LNPK: variants seen among roughly 807,000 people sequenced by gnomAD.
LNPK encodes the protein endoplasmic reticulum junction formation protein lunapark.
Under a neutral mutation model 55.2 loss-of-function variants are expected in LNPK, and 29 were observed. The ratio of observed to expected loss-of-function variants is 0.53; its 90% CI spans 0.39 to 0.72. LNPK has a LOEUF of 0.72. Among genes scored for constraint, LNPK ranks in the 30% least tolerant of loss-of-function variants. LNPK has a pLI of 0.00. For missense variants in LNPK, 467 were observed against 494.8 expected, an observed-to-expected ratio of 0.94 and a Z score of 0.53; for synonymous variants, 162 against 168.2, an observed-to-expected ratio of 0.96 and a Z score of 0.29.
intron 4 of LNPK, among the ~76,000 whole-genome samples, chr2:175,983,959 GA>G (rs948651801): frequency 1.1e-3 from 168 of 149,604 alleles, no homozygotes; most frequent in African/African-American, 3.4e-3. Context: ...TTAAGGTATA[GA>G]AAAAAAAAGT....
intron 8 of LNPK, among the ~76,000 whole-genome samples, chr2:175,953,792 A>T (rs1685546050): frequency 6.7e-6 from 1 of 150,252 alleles, no homozygotes; most frequent in African/African-American, 2.4e-5. Context: ...AAAAAAAAGT[A>T]TTCTTCATAA....
intron 4 of LNPK, among the ~76,000 whole-genome samples, chr2:175,991,396 G>A (rs1022141551): frequency 6.6e-6 from 1 of 152,130 alleles, no homozygotes; most frequent in African/African-American, 2.4e-5. Flanking sequence ...TATTATGAAA[G>A]CACTCAATTT....
At chr2:175,972,084 T>C (rs974109799) in intron 5 of LNPK, among the ~76,000 whole-genome samples, 4 of 152,210 alleles carry the variant, frequency 2.6e-5, no homozygotes, top group South Asian at 2.1e-4. Flanking sequence ...CCAAGCTAAT[T>C]TTTGTATTTT....
chr2:175,993,040 A>T lies in LNPK; in HGVS notation c.69+142T>A, dbSNP rs1687772598. 2.8e-5 allele frequency: 15 copies of T among 539,418 alleles called. No individual in the cohort carries two copies. The South Asian group carries it at 4.4e-4, about 16-fold the overall frequency. The allele number at this position is 539,418 out of a possible 1,614,324, so 33.4% of individuals were successfully genotyped here. ...GATAGACTTTGGATTTTTTGAGATC[A>T]CATAATATTAAAGTTCTCAGACTCA... On this transcript the variant is annotated intron_variant, in intron 3 of 12. Coordinates refer to ENST00000272748, the MANE Select transcript of LNPK (RefSeq NM_030650.3).
At chr2:175,933,636 A>T (rs1248255228) in intron 12 of LNPK, among the ~76,000 whole-genome samples, 1 of 152,170 alleles carries the variant, frequency 6.6e-6, no homozygotes. Context: ...AATTCAATTA[A>T]ATTATAACCA....
intron 4 of LNPK, among the ~76,000 whole-genome samples, chr2:175,988,513 A>AAAAAAAAAAAAAAAAAAAAAAAAAT (rs1687541745): frequency 8.8e-6 from 1 of 113,130 alleles, no homozygotes; most frequent in Non-Finnish European, 1.9e-5. Flanking sequence ...CTCTGTCTCC[A>AAAAAAAAAAAAAAAAAAAAAAAAAT]AAAAAAAAAA....
chr2:175,982,983 C>T (rs929329191), intron 4 of LNPK, among the ~76,000 whole-genome samples: 4 of 152,018 alleles, frequency 2.6e-5, no homozygotes, highest in African/African-American at 9.7e-5. Flanking sequence ...AGAGATATAA[C>T]TAAAACTCAA....
intron 6 of LNPK, among the ~76,000 whole-genome samples, chr2:175,970,532 T>G (rs537492577): frequency 1.3e-5 from 2 of 151,144 alleles, no homozygotes; most frequent in South Asian, 2.1e-4. Flanking sequence ...TTTACTTACT[T>G]CTCAGCTTCC....
In LNPK at chr2:175,939,695, T is replaced by C. The variant is rs1187362902; in HGVS notation, c.707-38A>G. ...TAAATACATACAAAATTTATATACA[T>C]GAAATACACATAAAATTTAATTCCA... On this transcript the variant is annotated intron_variant, in intron 9 of 12. Transcript: ENST00000272748. The C allele has an allele frequency of 3.0e-6, 3 of 994,876 alleles. No individual in the cohort carries two copies. The African/African-American group carries it at 5.0e-5, about 17-fold the overall frequency. The allele number at this position is 994,876 out of a possible 1,614,324, so 61.6% of individuals were successfully genotyped here.
intron 5 of LNPK, among the ~76,000 whole-genome samples, chr2:175,974,964 A>AT: frequency 6.6e-6 from 1 of 150,966 alleles, no homozygotes; most frequent in South Asian, 2.1e-4. Flanking sequence ...CATACATTTG[A>AT]TTTCCTTAAA....
At chr2:175,960,385 A>G (rs983354942) in intron 8 of LNPK, among the ~76,000 whole-genome samples, 2 of 152,228 alleles carry the variant, frequency 1.3e-5, no homozygotes, top group African/African-American at 4.8e-5. Flanking sequence ...CAATCAAATT[A>G]GAACTCAGGA....
rs770768520 is a variant in LNPK, at chr2:175,937,499, T to C, written c.899A>G (p.Tyr300Cys). ...EFEYIAFRCA[Y>C]CFFLNPARKT... ...TCTTGCAGGGTTCAAGAAAAAACAG[T>C]AGGCACATCGAAAAGCTGCAGAGAA... The change falls in exon 12 of 13, where the codon TAC becomes TGC. Residue 300 changes from tyrosine (Y) to cysteine (C), a missense_variant. Transcript: ENST00000272748. 1 of 1,609,504 alleles carries C rather than the reference T, an allele frequency of 6.2e-7. No homozygotes were observed. Among genetic ancestry groups the C allele is most frequent in the East Asian group, 2.2e-5 (1 of 44,790 alleles).
At chr2:175,944,961 A>G (rs1224313525) in intron 9 of LNPK, among the ~76,000 whole-genome samples, 2 of 151,600 alleles carry the variant, frequency 1.3e-5, no homozygotes, top group Non-Finnish European at 2.9e-5. Context: ...CACAGTGGCG[A>G]TATCTCAGTT....
intron 4 of LNPK, among the ~76,000 whole-genome samples, chr2:175,989,265 T>C (rs1199100407): frequency 6.6e-6 from 1 of 152,164 alleles, no homozygotes; most frequent in Non-Finnish European, 1.5e-5. Context: ...TCAATTTAAG[T>C]GGAGATACAA....
At chr2:175,996,156 C>T (rs1687923822) in intron 1 of LNPK, among the ~76,000 whole-genome samples, 1 of 152,048 alleles carries the variant, frequency 6.6e-6, no homozygotes, top group African/African-American at 2.4e-5. Flanking sequence ...CAGAACAGAT[C>T]TAAAAGTGAA....
rs1233003485 is a variant in LNPK at position 175,953,958 on chromosome 2, G to C, written c.494-6266C>G. 1.3e-5 allele frequency among the ~76,000 whole-genome samples: 2 copies of C among 151,974 alleles called. 1 individual carries two copies. Among genetic ancestry groups the C allele is most frequent in the East Asian group, 3.9e-4 (2 of 5,186 alleles). ...ATATGACCCCTACTTTCCTTTTTCA[G>C]GGATATGGCAATATTTGTAGTGCCT... On this transcript the variant is annotated intron_variant, in intron 8 of 12. Coordinates refer to ENST00000272748, the MANE Select transcript of LNPK (RefSeq NM_030650.3).
chr2:175,951,584 C>CATATAT (rs56037027), intron 8 of LNPK, among the ~76,000 whole-genome samples: 1,265 of 90,664 alleles, frequency 0.014, 131 homozygotes, highest in African/African-American at 0.047. Flanking sequence ...TTCCATCATT[C>CATATAT]ATATATATAT....
Position 175,929,253 on chromosome 2 carries a change from T to A in LNPK, c.*714A>T. 1 of 960,064 alleles carries A rather than the reference T, an allele frequency of 1.0e-6. No individual in the cohort carries two copies. Among genetic ancestry groups the A allele is most frequent in the Non-Finnish European group, 1.2e-6 (1 of 806,468 alleles). The allele number at this position is 960,064 out of a possible 1,614,324, so 59.5% of individuals were successfully genotyped here. On this transcript the variant is annotated 3_prime_UTR_variant, in exon 13 of 13. Coordinates refer to ENST00000272748, the MANE Select transcript of LNPK (RefSeq NM_030650.3). ...GTCAAGTGCAGAAATATTTCCTATATGCTAGTGTGTAAATATAAACTAATT... is the reference window on the plus strand; with the variant it reads ...GTCAAGTGCAGAAATATTTCCTATAAGCTAGTGTGTAAATATAAACTAATT...
intron 3 of LNPK, 23 bp from the exon 4 acceptor site, chr2:175,992,441 T>A: frequency 7.3e-7 from 1 of 1,371,840 alleles, no homozygotes; most frequent in Non-Finnish European, 9.8e-7. Context: ...AATTATTCCA[T>A]GTTAGTAAAT....
Sources: allele counts gnomAD v4.1 joint callset (sites outside exome capture counted in the v4.1 genomes callset), GRCh38; gene constraint gnomAD v4.1.1; transcripts MANE v1.5; gene names NCBI Gene and HGNC (gene_info 2026-07-23, HGNC 2026-07-21).